PLCB4: variants seen among roughly 807,000 people sequenced by gnomAD.
PLCB4 encodes the protein 1-phosphatidylinositol 4,5-bisphosphate phosphodiesterase beta-4.
Under a neutral mutation model 178.8 loss-of-function variants are expected in PLCB4, and 77 were observed. That is an observed-to-expected ratio of 0.43 (90% CI 0.36 to 0.52). PLCB4 has a LOEUF of 0.52. Ranked by LOEUF, PLCB4 falls within the 20% of genes least tolerant of loss-of-function variation. PLCB4 has a pLI of 0.00. For missense variants in PLCB4, 1,024 were observed against 1,453.4 expected (o/e 0.70, Z 4.80); for synonymous variants, 496 against 490.8 (o/e 1.01, Z -0.14).
At chr20:9,270,089 A>G (rs941492303) in intron 3 of PLCB4, among the ~76,000 whole-genome samples, 1 of 152,174 alleles carries the variant, frequency 6.6e-6, no homozygotes, top group African/African-American at 2.4e-5. Context: ...GATTTTATTA[A>G]TGAAGTTCCT....
rs1009178330 is a variant in PLCB4 at position 9,211,853 on chromosome 20, A to G, written c.-78-5537A>G. Among the ~76,000 whole-genome samples the G allele has an allele frequency of 3.3e-5, 5 of 152,228 alleles. No homozygotes were observed. The East Asian group carries it at 5.8e-4, about 18-fold the overall frequency. On this transcript the variant is annotated intron_variant, in intron 2 of 39. Coordinates refer to ENST00000378473, the MANE Select transcript of PLCB4 (RefSeq NM_001377142.1). ...CATTGTAAAATATCTGTATTTTAAGATGGTACATGGAAACTGTACCATTAA... is the reference window on the plus strand; with the variant it reads ...CATTGTAAAATATCTGTATTTTAAGGTGGTACATGGAAACTGTACCATTAA...
At chr20:9,344,216 C>T (rs930726574) in intron 7 of PLCB4, among the ~76,000 whole-genome samples, 1 of 152,080 alleles carries the variant, frequency 6.6e-6, no homozygotes, top group Non-Finnish European at 1.5e-5. Context: ...TTTGCTGTTC[C>T]TTCTGTCTGT....
At chr20:9,314,260 G>A (rs1202490978) in intron 4 of PLCB4, among the ~76,000 whole-genome samples, 5 of 152,186 alleles carry the variant, frequency 3.3e-5, no homozygotes, top group Non-Finnish European at 7.3e-5. Context: ...TGGGGTTTCA[G>A]CAGGGCAGTG....
At chr20:9,229,927 C>T (rs2147344442) in intron 3 of PLCB4, among the ~76,000 whole-genome samples, 1 of 152,120 alleles carries the variant, frequency 6.6e-6, no homozygotes, top group East Asian at 1.9e-4. Context: ...GGGAAAAAAG[C>T]TGGGAAATGT....
chr20:9,138,036 A>T (rs2092418366), intron 2 of PLCB4, among the ~76,000 whole-genome samples: 1 of 152,166 alleles, frequency 6.6e-6, no homozygotes, highest in Non-Finnish European at 1.5e-5. Context: ...ATTTATAAGT[A>T]AGTCTGTCAA....
Position 9,393,621 on chromosome 20 carries a change from G to T in PLCB4, c.1357G>T (p.Asp453Tyr). The change falls in exon 18 of 40, where the codon GAC becomes TAC. Residue 453 changes from aspartate to tyrosine, a missense_variant. This residue lies in a region of PLCB4 where 263 missense variants were observed against 417.4 expected (regional missense o/e 0.63). Transcript: ENST00000378473. ...AGGCAGGGCTTTGCCATCCCCCAAT[G>T]ACCTCAAAAGAAAAATACTCATAAA... ...EPGRALPSPN[D>Y]LKRKILIKNK... The T allele has an allele frequency of 6.2e-7, 1 of 1,613,388 alleles. No homozygotes were observed. The highest frequency in any genetic ancestry group is 1.1e-5 in the South Asian group (1 of 91,012).
chr20:9,372,122 T>G (rs1448310438), intron 10 of PLCB4, among the ~76,000 whole-genome samples, 181 bp from the exon 11 acceptor site: 1 of 152,208 alleles, frequency 6.6e-6, no homozygotes, highest in Non-Finnish European at 1.5e-5. Flanking sequence ...GTACACGCAC[T>G]GTTTTTTAGT....
At chr20:9,210,977 A>G (rs1445323241) in intron 2 of PLCB4, among the ~76,000 whole-genome samples, 1 of 152,226 alleles carries the variant, frequency 6.6e-6, no homozygotes, top group Non-Finnish European at 1.5e-5. Flanking sequence ...ATGGATATAG[A>G]AAATATGACT....
At chr20:9,224,114 T>G (rs1377368635) in intron 3 of PLCB4, among the ~76,000 whole-genome samples, 1 of 152,198 alleles carries the variant, frequency 6.6e-6, no homozygotes, top group Non-Finnish European at 1.5e-5. Flanking sequence ...TGAGTTCAAC[T>G]CTCAGAGACA....
chr20:9,439,222 G>A (rs1446446463), intron 30 of PLCB4, among the ~76,000 whole-genome samples: 1 of 152,210 alleles, frequency 6.6e-6, no homozygotes, highest in African/African-American at 2.4e-5. Flanking sequence ...TTATGCACCT[G>A]TGATCAGCTG....
chr20:9,258,216 T>C (rs1331025409), intron 3 of PLCB4, among the ~76,000 whole-genome samples: 1 of 152,232 alleles, frequency 6.6e-6, no homozygotes, highest in Non-Finnish European at 1.5e-5. Flanking sequence ...TTGTTTTCCA[T>C]CTGAGTTGGA....
chr20:9,385,463 A>G lies in PLCB4; in HGVS notation c.1064+1052A>G, dbSNP rs536482629. ...GGCAGAGGCGCTCCTCACCTCCCAG[A>G]TGGGGTGGCGGCTGGGCAGAGGCGC... On this transcript the variant is annotated intron_variant, in intron 14 of 39. Transcript: ENST00000378473. Among the ~76,000 whole-genome samples, 469 of 145,496 alleles carry G rather than the reference A, an allele frequency of 3.2e-3. 3 individuals are homozygous for G. Among genetic ancestry groups the G allele is most frequent in the African/African-American group, 0.011 (445 of 38,846 alleles).
At chr20:9,312,396 ACG>A (rs1555786353) in intron 4 of PLCB4, among the ~76,000 whole-genome samples, 115 of 146,608 alleles carry the variant, frequency 7.8e-4, no homozygotes, top group African/African-American at 1.2e-3. Context: ...ACACACACAC[ACG>A]CACGCACTCA....
intron 2 of PLCB4, among the ~76,000 whole-genome samples, chr20:9,167,459 A>G (rs960672727): frequency 5.9e-5 from 9 of 152,138 alleles, no homozygotes; most frequent in African/African-American, 1.9e-4. Context: ...TTTTTGTTCA[A>G]CCATATTCAG....
At chr20:9,129,126 T>C (rs1288378958) in intron 2 of PLCB4, among the ~76,000 whole-genome samples, 3 of 152,188 alleles carry the variant, frequency 2.0e-5, no homozygotes, top group Admixed American at 2.0e-4. Context: ...AATGCTGGTA[T>C]GAACATGGAT....
At chr20:9,478,842 G>A in intron 39 of PLCB4, 79 bp from the exon 40 acceptor site, 1 of 989,672 alleles carries the variant, frequency 1.0e-6, no homozygotes, top group South Asian at 1.3e-5. Context: ...CATATTTATG[G>A]GAGAAGAGAG....
chr20:9,174,293 T>C (rs2147056557), intron 2 of PLCB4, among the ~76,000 whole-genome samples: 1 of 151,960 alleles, frequency 6.6e-6, no homozygotes, highest in South Asian at 2.1e-4. Context: ...CACGTAACCA[T>C]GCCTAGCTAA....
At chr20:9,353,355 C>T (rs539617581) in intron 7 of PLCB4, among the ~76,000 whole-genome samples, 1 of 152,306 alleles carries the variant, frequency 6.6e-6, no homozygotes, top group African/African-American at 2.4e-5. Context: ...CCTCTTGTCC[C>T]ATGGGCATGT....
At chr20:9,456,581 A>T (rs550574181) in intron 33 of PLCB4, among the ~76,000 whole-genome samples, 1 of 152,308 alleles carries the variant, frequency 6.6e-6, no homozygotes, top group East Asian at 1.9e-4. Flanking sequence ...CTCTCATTGC[A>T]TTTACTGTGA....
Sources: allele counts gnomAD v4.1 joint callset (sites outside exome capture counted in the v4.1 genomes callset), GRCh38; gene constraint gnomAD v4.1.1; regional missense constraint gnomAD v4.1.1; transcripts MANE v1.5; gene names NCBI Gene and HGNC (gene_info 2026-07-23, HGNC 2026-07-21).